NLRC3: variants seen among roughly 807,000 people sequenced by gnomAD.
NLRC3 encodes the protein NLR family CARD domain-containing protein 3.
Under a neutral mutation model 91.6 loss-of-function variants are expected in NLRC3, and 87 were observed. That is an observed-to-expected ratio of 0.95 (90% CI 0.80 to 1.14). The LOEUF is 1.14. NLRC3 is among the 50% of genes most tolerant of loss of function. NLRC3 has a pLI of 0.00. For missense variants in NLRC3, 1,577 were observed against 1,418.6 expected, an observed-to-expected ratio of 1.11 and a Z score of -1.79; for synonymous variants, 694 against 625.3, an observed-to-expected ratio of 1.11 and a Z score of -1.64.
intron 8 of NLRC3, 42 bp downstream of exon 8, chr16:3,556,869 C>A: frequency 1.4e-6 from 2 of 1,409,890 alleles, no homozygotes; most frequent in Non-Finnish European, 2.0e-6. Context: ...GTTTTCTGGG[C>A]CCTCTCTTGG....
rs376611396 is a variant in NLRC3, at chr16:3,564,220, T to C, written c.717A>G (p.Pro239=). ...GGTGGTCCACCGGGATCTCCTTCTT[T>C]GGGTCCGTGCAGGCCACGGTGTTGG... is the stretch of plus-strand genomic sequence containing the variant. The part of the protein sequence containing the change: ...DFSNTVACTD[P]KKEIPVDHLI... The change falls in exon 5 of 20, where the codon CCA becomes CCG. Residue 239 remains proline (P), a synonymous_variant. Transcript: ENST00000359128. This position sits in a 1 kb window ranked among gnomAD's most constrained non-coding sequence, Gnocchi z 5.9. The C allele has an allele frequency of 1.7e-4, 282 of 1,613,316 alleles. 1 individual carries two copies. In the Middle Eastern group the frequency reaches 2.3e-3, roughly 13 times the overall value.
At chr16:3,560,172 T>G (rs1006775736) in intron 6 of NLRC3, among the ~76,000 whole-genome samples, 1 of 152,090 alleles carries the variant, frequency 6.6e-6, no homozygotes, top group African/African-American at 2.4e-5. Context: ...CCCAGCACTT[T>G]GGGAGGCTGA....
chr16:3,557,001 G>A lies in NLRC3; in HGVS notation c.2100-7C>T. ...AATGGAGTTACCGCGGAGGCTGAAG[G>A]AAGAGAGAAAGAGACACCTCCTTCA... On this transcript the variant is annotated splice_polypyrimidine_tract_variant and splice_region_variant and intron_variant, in intron 7 of 19. Transcript: ENST00000359128. The A allele has an allele frequency of 6.2e-7, 1 of 1,606,886 alleles. No homozygotes were observed. Among genetic ancestry groups the A allele is most frequent in the Non-Finnish European group, 8.5e-7 (1 of 1,173,504 alleles).
chr16:3,546,162 C>T (rs939720771), intron 15 of NLRC3, among the ~76,000 whole-genome samples: 4 of 152,052 alleles, frequency 2.6e-5, no homozygotes, highest in Non-Finnish European at 5.9e-5. Context: ...CTTTGGGAGG[C>T]CAAGGTGGGA....
rs773650261 is a variant in NLRC3 at position 3,548,128 on chromosome 16, A to G, written c.2771+7T>C. ...CCGCCCTGCAGCCCCTGGGCAGGCCAACTTACTCTAAGCTGGTGAGGCTCC... is the reference window on the plus strand; with the variant it reads ...CCGCCCTGCAGCCCCTGGGCAGGCCGACTTACTCTAAGCTGGTGAGGCTCC... On this transcript the variant is annotated splice_region_variant and intron_variant, in intron 15 of 19. Coordinates refer to ENST00000359128, the MANE Select transcript of NLRC3 (RefSeq NM_178844.4). The G allele has an allele frequency of 1.3e-6, 2 of 1,573,832 alleles. No homozygotes were observed. Among genetic ancestry groups the G allele is most frequent in the African/African-American group, 2.7e-5 (2 of 74,138 alleles).
rs775381939 is a variant in NLRC3 at position 3,563,114 on chromosome 16, A to C, written c.1823T>G (p.Leu608Arg). ...PAHRAALAYLLQVSDACAQEA... is the reference protein window; with the variant it reads ...PAHRAALAYLRQVSDACAQEA... The stretch of plus-strand genomic sequence containing the variant: ...CTGGGCACAGGCGTCGGACACCTGC[A>C]GGAGGTAGGCCAGGGCAGCGCGGTG... Residue 608 changes from leucine (L) to arginine (R), a missense_variant, in exon 5 of 20, where the codon CTG (leucine) becomes CGG (arginine). Transcript: ENST00000359128. 6.3e-7 allele frequency: 1 copy of C among 1,580,182 alleles called. No homozygotes were observed. The highest frequency in any genetic ancestry group is 8.6e-7 in the Non-Finnish European group (1 of 1,164,046).
rs761282509 is a variant in NLRC3 at position 3,564,992 on chromosome 16, G to A, written c.45C>T (p.Gly15=). The change falls in exon 4 of 20, where the codon GGC becomes GGT. Residue 15 remains glycine, a synonymous_variant. Coordinates refer to ENST00000359128, the MANE Select transcript of NLRC3 (RefSeq NM_178844.4). The surrounding 1 kb of genome is among the most constrained non-coding windows in gnomAD (Gnocchi z 5.9). ...EVRTGREAGQ[G]HGTGSPAEQV... ...GCTCGGCTGGGGAGCCCGTACCGTG[G>A]CCCTGGCCGGCCTCCCTGCCCGTCC... 3 of 1,610,426 alleles carry A rather than the reference G, an allele frequency of 1.9e-6. No homozygotes were observed. Among genetic ancestry groups the A allele is most frequent in the Non-Finnish European group, 1.7e-6 (2 of 1,179,726 alleles).
intron 8 of NLRC3, 146 bp from the exon 9 acceptor site, chr16:3,554,471 T>C: frequency 3.3e-6 from 2 of 612,014 alleles, no homozygotes; most frequent in Non-Finnish European, 5.9e-6. Context: ...GGGAGAGCAG[T>C]GGACCCTTTG....
chr16:3,557,011 A>G lies in NLRC3; in HGVS notation c.2100-17T>C. The G allele has an allele frequency of 7.0e-6, 11 of 1,564,772 alleles. No homozygotes were observed. Among genetic ancestry groups the G allele is most frequent in the Non-Finnish European group, 9.7e-6 (11 of 1,135,044 alleles). ...CCGCGGAGGCTGAAGGAAGAGAGAAAGAGACACCTCCTTCATCTGTCTCCC... is the reference window on the plus strand; with the variant it reads ...CCGCGGAGGCTGAAGGAAGAGAGAAGGAGACACCTCCTTCATCTGTCTCCC... On this transcript the variant is annotated splice_polypyrimidine_tract_variant and intron_variant, in intron 7 of 19. Coordinates refer to ENST00000359128, the MANE Select transcript of NLRC3 (RefSeq NM_178844.4).
intron 5 of NLRC3, 25 bp downstream of exon 5, chr16:3,562,984 C>A: frequency 6.5e-7 from 1 of 1,544,734 alleles, no homozygotes; most frequent in Non-Finnish European, 8.7e-7. Context: ...CTTCCCCAGC[C>A]CCTGCCCCCT....
Position 3,544,294 on chromosome 16 carries a change from C to T in NLRC3, c.2807G>A (p.Cys936Tyr), listed in dbSNP as rs1459920280. The T allele has an allele frequency of 2.5e-6, 4 of 1,613,436 alleles. No homozygotes were observed. Among genetic ancestry groups the T allele is most frequent in the Non-Finnish European group, 3.4e-6 (4 of 1,179,560 alleles). ...QENAIGDDGA[C>Y]AVARALKVNT... is the part of the protein sequence containing the mutation. ...GACCTTCAGTGCACGGGCCACCGCA[C>T]ACGCTCCGTCATCCCCGATGGCGTT... The change falls in exon 16 of 20, where the codon TGT becomes TAT. Residue 936 changes from cysteine (C) to tyrosine (Y), a missense_variant. Transcript: ENST00000359128.
chr16:3,561,969 C>T (rs375239758), intron 5 of NLRC3, among the ~76,000 whole-genome samples, 181 bp from the exon 6 acceptor site: 1 of 152,194 alleles, frequency 6.6e-6, no homozygotes, highest in African/African-American at 2.4e-5. Context: ...TGGGTGCCCA[C>T]GAGACCTGCG....
At chr16:3,556,745 C>G (rs1387466285) in intron 8 of NLRC3, among the ~76,000 whole-genome samples, 166 bp downstream of exon 8, 3 of 152,146 alleles carry the variant, frequency 2.0e-5, no homozygotes, top group African/African-American at 7.2e-5. Flanking sequence ...TCAAGCGATC[C>G]ACCTGTCTCA....
intron 6 of NLRC3, among the ~76,000 whole-genome samples, chr16:3,560,805 G>A (rs534191042): frequency 1.3e-5 from 2 of 151,568 alleles, no homozygotes; most frequent in Non-Finnish European, 2.9e-5. Context: ...GACTACAGGC[G>A]CCCACCACCA....
Position 3,564,732 on chromosome 16 carries a change from C to T in NLRC3, c.205G>A (p.Ala69Thr), listed in dbSNP as rs866048099. 1.3e-6 allele frequency: 2 copies of T among 1,588,140 alleles called. No homozygotes were observed. The highest frequency in any genetic ancestry group is 1.7e-5 in the Admixed American group (1 of 58,466). The change falls in exon 5 of 20, where the codon GCC (alanine) becomes ACC (threonine). Residue 69 changes from alanine to threonine, a missense_variant. Transcript: ENST00000359128. The surrounding 1 kb of genome is among the most constrained non-coding windows in gnomAD (Gnocchi z 5.9). The part of the protein sequence containing the change: ...NDSRIQRHRK[A>T]LLSKVGGGPE... ...CCACCTCCCACCTTGCTCAGCAGGG[C>T]CTTGCGGTGCCTCTGTATCCTTGAG...
At position 3,549,200 on chromosome 16, in the gene NLRC3, C is replaced by G. The variant is rs144272448; in HGVS notation, c.2545G>C (p.Glu849Gln). 6.3e-7 allele frequency: 1 copy of G among 1,587,472 alleles called. No homozygotes were observed. The highest frequency in any genetic ancestry group is 8.6e-7 in the Non-Finnish European group (1 of 1,166,762). ...LSLRENSISP[E>Q]GAQAIAHALC... ...GCATGAGCGATGGCCTGGGCTCCCT[C>G]GGGACTGATGGAGTTTTCTCGAAGG... The change falls in exon 13 of 20, where the codon GAG becomes CAG. Residue 849 changes from glutamate (E) to glutamine (Q), a missense_variant. Coordinates refer to ENST00000359128, the MANE Select transcript of NLRC3 (RefSeq NM_178844.4).
chr16:3,543,055 C>G, intron 17 of NLRC3: 1 of 509,204 alleles, frequency 2.0e-6, no homozygotes, highest in Non-Finnish European at 3.5e-6. Context: ...AGAGGCAGCC[C>G]TCCATCTGGG....
At chr16:3,544,545 G>A (rs976904320) in intron 15 of NLRC3, 8 of 543,562 alleles carry the variant, frequency 1.5e-5, no homozygotes, top group African/African-American at 5.7e-5. Context: ...AGTCTGAACC[G>A]CCAGAGGCAA....
chr16:3,543,560 C>G, intron 16 of NLRC3, 52 bp from the exon 17 acceptor site: 1 of 1,222,060 alleles, frequency 8.2e-7, no homozygotes, highest in Non-Finnish European at 1.2e-6. Flanking sequence ...CACCTCCCTC[C>G]GCATACTCCG....
Sources: allele counts gnomAD v4.1 joint callset (sites outside exome capture counted in the v4.1 genomes callset), GRCh38; gene constraint gnomAD v4.1.1; non-coding constraint Gnocchi (gnomAD v3.1); transcripts MANE v1.5; gene names NCBI Gene and HGNC (gene_info 2026-07-23, HGNC 2026-07-21).